Variants in AKAP6 observed in about 807,000 individuals in gnomAD.
AKAP6 encodes the protein A-kinase anchoring protein 6.
Under a neutral mutation model 188.5 loss-of-function variants are expected in AKAP6, and 58 were observed. The observed-to-expected ratio is 0.31, with a 90% CI of 0.25 to 0.38. AKAP6 has a LOEUF of 0.38. Among genes scored for constraint, AKAP6 ranks in the 10% least tolerant of loss-of-function variants. AKAP6 has a pLI of 1.00. For synonymous variants in AKAP6, 989 were observed against 998.6 expected, an observed-to-expected ratio of 0.99 and a Z score of 0.18; for missense variants, 2,710 against 2,740.0, an observed-to-expected ratio of 0.99 and a Z score of 0.24.
At chr14:32,698,840 A>T (rs1363152723) in intron 9 of AKAP6, among the ~76,000 whole-genome samples, 1 of 152,204 alleles carries the variant, frequency 6.6e-6, no homozygotes, top group Non-Finnish European at 1.5e-5. Flanking sequence ...ATTAACGAAA[A>T]GGATGAGGTG....
chr14:32,504,679 T>C (rs962688807), intron 2 of AKAP6, among the ~76,000 whole-genome samples: 3 of 152,216 alleles, frequency 2.0e-5, no homozygotes, highest in Non-Finnish European at 2.9e-5. Flanking sequence ...TACAATCATA[T>C]CATCTTTGAA....
chr14:32,462,916 A>ACAAC (rs1555330713), intron 2 of AKAP6, among the ~76,000 whole-genome samples: 1 of 93,778 alleles, frequency 1.1e-5, no homozygotes, highest in South Asian at 3.6e-4. Context: ...AAAAAAAAAA[A>ACAAC]AAAAAAAAAA....
In AKAP6 at chr14:32,541,235, G is replaced by A. The variant is rs180707810; in HGVS notation, c.577-3995G>A. ...AGCATTAAGTGTTTTTGAGTATGGC[G>A]TTTTCTTTTCTAAACCAGGAACTGG... On this transcript the variant is annotated intron_variant, in intron 3 of 13. Transcript: ENST00000280979. Among the ~76,000 whole-genome samples, 53 of 151,970 alleles carry A rather than the reference G, an allele frequency of 3.5e-4. 2 individuals carry two copies. The highest frequency in any genetic ancestry group is 2.7e-3 in the Admixed American group (41 of 15,242).
chr14:32,572,374 G>A (rs10145392), intron 4 of AKAP6, among the ~76,000 whole-genome samples: 120,436 of 151,854 alleles, frequency 0.79, 47,836 homozygotes, highest in East Asian at 0.9. Flanking sequence ...ATATAATCCC[G>A]TTTAAAAATC....
At position 32,667,369 on chromosome 14, in the gene AKAP6, C is replaced by T. The variant is rs182785753; in HGVS notation, c.2731-10942C>T. ...AAATGATTATGGTTCCCTACTGACA[C>T]ACTGTTATGATTGACAGGAAAAACC... On this transcript the variant is annotated intron_variant, in intron 7 of 13. Transcript: ENST00000280979. Among the ~76,000 whole-genome samples, 402 of 152,070 alleles carry T rather than the reference C, an allele frequency of 2.6e-3. 3 individuals carry two copies. The highest frequency in any genetic ancestry group is 8.2e-3 in the African/African-American group (339 of 41,524).
At position 32,557,413 on chromosome 14, in the gene AKAP6, T is replaced by TA. The variant is rs35248687; in HGVS notation, c.2346+10421dup. ...CATGGCCCATTATAGCCTACTCTTT[T>TA]AAAAAAAGTCCTGTCTAGCCATTAT... is the stretch of plus-strand genomic sequence containing the variant. On this transcript the variant is annotated intron_variant, in intron 4 of 13. Transcript: ENST00000280979. Among the ~76,000 whole-genome samples, 716 of 152,270 alleles carry TA rather than the reference T, an allele frequency of 4.7e-3. 7 individuals are homozygous for TA. Among genetic ancestry groups the TA allele is most frequent in the African/African-American group, 0.015 (641 of 41,572 alleles).
intron 11 of AKAP6, among the ~76,000 whole-genome samples, chr14:32,755,511 A>AATT (rs61016268): frequency 5.0e-3 from 747 of 149,084 alleles, no homozygotes; most frequent in Middle Eastern, 0.017. Flanking sequence ...AGATTAAGGC[A>AATT]ATTATTATTA....
intron 11 of AKAP6, among the ~76,000 whole-genome samples, chr14:32,743,222 T>A (rs2031754724): frequency 6.6e-6 from 1 of 152,190 alleles, no homozygotes; most frequent in African/African-American, 2.4e-5. Flanking sequence ...GCATGGAATC[T>A]TTTTCTGTCC....
At chr14:32,535,386 A>G (rs1594719471) in intron 2 of AKAP6, among the ~76,000 whole-genome samples, 168 bp from the exon 3 acceptor site, 1 of 152,224 alleles carries the variant, frequency 6.6e-6, no homozygotes, top group Non-Finnish European at 1.5e-5. Context: ...GCACAGGAAT[A>G]TGGCCTGCAA....
chr14:32,678,428 A>G lies in AKAP6; in HGVS notation c.2848A>G (p.Met950Val). 1 of 1,613,982 alleles carries G rather than the reference A, an allele frequency of 6.2e-7. No homozygotes were observed. Among genetic ancestry groups the G allele is most frequent in the Non-Finnish European group, 8.5e-7 (1 of 1,179,876 alleles). ...CAAGCGAAAGGAAGAGTTTGCTGAT[A>G]TGTCAAAAGTTCATTCAGTGGGAAG... is the stretch of plus-strand genomic sequence containing the variant. ...SSKRKEEFAD[M>V]SKVHSVGSNG... is the part of the protein sequence containing the mutation. The change falls in exon 8 of 14, where the codon ATG becomes GTG. Residue 950 changes from methionine (M) to valine (V), a missense_variant. By Grantham distance (21) the Met-to-Val change is conservative. Around this residue, in one of 2 missense-constraint regions of AKAP6, gnomAD observed 2,473 missense variants for 2,426.1 expected, o/e 1.02. Coordinates refer to ENST00000280979, the MANE Select transcript of AKAP6 (RefSeq NM_004274.5).
intron 1 of AKAP6, among the ~76,000 whole-genome samples, chr14:32,421,605 T>C (rs1889853745): frequency 6.6e-6 from 1 of 152,032 alleles, no homozygotes; most frequent in Admixed American, 6.6e-5. Flanking sequence ...TTCCTCCAGG[T>C]TGAGATTTTT....
Position 32,836,242 on chromosome 14 carries a change from G to A in AKAP6, c.*6437G>A, listed in dbSNP as rs1026229136. ...TACTGCTCAAAGTTCTGGAGACTGG[G>A]AAGTTCAAGATCAAGATGCTAGCAG... is the stretch of plus-strand genomic sequence containing the variant. On this transcript the variant is annotated 3_prime_UTR_variant, in exon 14 of 14. Transcript: ENST00000280979. 12 of 125,348 alleles carry A rather than the reference G, an allele frequency of 9.6e-5. No individual in the cohort carries two copies. Among genetic ancestry groups the A allele is most frequent in the Non-Finnish European group, 2.1e-4 (11 of 51,932 alleles). The allele number at this position is 125,348 out of a possible 1,614,324, so 7.8% of individuals were successfully genotyped here.
At chr14:32,696,236 T>C (rs2139697556) in intron 9 of AKAP6, 126 bp downstream of exon 9, 14 of 1,238,066 alleles carry the variant, frequency 1.1e-5, no homozygotes, top group Non-Finnish European at 1.5e-5. Context: ...AGAATTCCCT[T>C]CCCTGTCCCC....
chr14:32,409,667 A>G (rs1034615649), intron 1 of AKAP6, among the ~76,000 whole-genome samples: 1 of 152,212 alleles, frequency 6.6e-6, no homozygotes, highest in Non-Finnish European at 1.5e-5. Context: ...TGTATTTCAC[A>G]TAGTAATATG....
intron 7 of AKAP6, among the ~76,000 whole-genome samples, chr14:32,677,151 A>G (rs1342738347): frequency 6.6e-6 from 1 of 152,164 alleles, no homozygotes; most frequent in Non-Finnish European, 1.5e-5. Context: ...TTCATAGGCT[A>G]CCCATTTCCT....
chr14:32,633,776 T>TA (rs1016057388), intron 7 of AKAP6, among the ~76,000 whole-genome samples: 92 of 152,202 alleles, frequency 6.0e-4, no homozygotes, highest in African/African-American at 2.0e-3. Flanking sequence ...GGAGGGTTGT[T>TA]ACTGCAGCAA....
intron 2 of AKAP6, among the ~76,000 whole-genome samples, chr14:32,508,213 G>C (rs572074131): frequency 6.6e-6 from 1 of 152,312 alleles, no homozygotes; most frequent in African/African-American, 2.4e-5. Flanking sequence ...ATCACATAAT[G>C]AAAGAGGGAA....
intron 7 of AKAP6, among the ~76,000 whole-genome samples, chr14:32,620,119 A>AC (rs1886753315): frequency 3.9e-5 from 6 of 152,110 alleles, no homozygotes; most frequent in Admixed American, 3.9e-4. Context: ...AAACTGAGAT[A>AC]GTTTAACTCA....
intron 2 of AKAP6, among the ~76,000 whole-genome samples, chr14:32,473,281 G>A (rs1878878958): frequency 6.6e-6 from 1 of 152,202 alleles, no homozygotes. Flanking sequence ...CAGACATAGT[G>A]CTGTGCAGGA....
Sources: gnomAD v4.1 joint callset for allele counts (sites outside exome capture counted in the v4.1 genomes callset) on GRCh38, gnomAD v4.1.1 for gene constraint, gnomAD v4.1.1 regional missense constraint, MANE v1.5 for transcripts, NCBI Gene and HGNC (gene_info 2026-07-23, HGNC 2026-07-21) for gene names.